LRRC7: variants seen among roughly 807,000 people sequenced by gnomAD.
LRRC7 encodes leucine-rich repeat-containing protein 7.
LRRC7 carries 23 observed loss-of-function variants against 175.7 expected under a neutral mutation model. That is an observed-to-expected ratio of 0.13 (90% confidence interval 0.09 to 0.19). The LOEUF is 0.19. LRRC7 is among the 10% of genes least tolerant of loss of function. LRRC7 has a pLI of 1.00. For synonymous variants in LRRC7, 685 were observed against 680.9 expected, an observed-to-expected ratio of 1.01 and a Z score of -0.09; for missense variants, 1,354 against 1,904.7, an observed-to-expected ratio of 0.71 and a Z score of 5.38.
At chr1:70,042,365 T>G (rs552054616) in intron 21 of LRRC7, among the ~76,000 whole-genome samples, 1 of 152,290 alleles carries the variant, frequency 6.6e-6, no homozygotes, top group Admixed American at 6.5e-5. Flanking sequence ...CCAGTGAAAT[T>G]TAATTGGGTC....
chr1:69,603,203 C>T (rs923284948), intron 1 of LRRC7, among the ~76,000 whole-genome samples: 2 of 152,052 alleles, frequency 1.3e-5, no homozygotes, highest in African/African-American at 4.8e-5. Flanking sequence ...TGATCTCATC[C>T]CAAGATTTAA....
intron 2 of LRRC7, among the ~76,000 whole-genome samples, chr1:69,687,893 A>T (rs1244353619): frequency 2.0e-5 from 3 of 152,190 alleles, no homozygotes; most frequent in Middle Eastern, 3.2e-3. Flanking sequence ...AAGCCATTGA[A>T]TATGATTTAG....
At chr1:69,750,476 G>T (rs1174492674) in intron 2 of LRRC7, among the ~76,000 whole-genome samples, 11 of 151,996 alleles carry the variant, frequency 7.2e-5, no homozygotes, top group Non-Finnish European at 1.5e-5. Context: ...TAATTAAAAA[G>T]GTATCTAGAA....
chr1:69,770,506 T>A (rs577527992), intron 3 of LRRC7, among the ~76,000 whole-genome samples: 29 of 152,354 alleles, frequency 1.9e-4, no homozygotes, highest in African/African-American at 7.0e-4. Flanking sequence ...AAAACTTGAA[T>A]GATCATTGAT....
intron 7 of LRRC7, among the ~76,000 whole-genome samples, chr1:69,904,310 G>C (rs1301491255): frequency 6.6e-6 from 1 of 151,970 alleles, no homozygotes; most frequent in African/African-American, 2.4e-5. Context: ...TAAAAAAGAA[G>C]AATACTAATT....
chr1:69,626,259 T>C (rs569858941), intron 1 of LRRC7, among the ~76,000 whole-genome samples: 1 of 152,218 alleles, frequency 6.6e-6, no homozygotes, highest in South Asian at 2.1e-4. Flanking sequence ...ATGGTATGTT[T>C]TGAGAACTGG....
intron 2 of LRRC7, among the ~76,000 whole-genome samples, chr1:69,687,353 C>CA (rs1441498487): frequency 1.3e-5 from 2 of 151,212 alleles, no homozygotes; most frequent in African/African-American, 2.4e-5. Context: ...TACAAAAATA[C>CA]AAAAAAATTA....
At chr1:70,063,972 T>C (rs1445123678) in intron 23 of LRRC7, among the ~76,000 whole-genome samples, 1 of 152,014 alleles carries the variant, frequency 6.6e-6, no homozygotes, top group Non-Finnish European at 1.5e-5. Flanking sequence ...ACACTTACAC[T>C]GAAGTGAAAG....
intron 2 of LRRC7, among the ~76,000 whole-genome samples, chr1:69,727,780 A>C (rs750356881): frequency 9.2e-5 from 14 of 152,226 alleles, no homozygotes; most frequent in Non-Finnish European, 1.8e-4. Flanking sequence ...CCTTAGAAGA[A>C]GACACTAAAT....
At chr1:69,924,723 T>TA (rs1647005562) in intron 7 of LRRC7, among the ~76,000 whole-genome samples, 1 of 152,210 alleles carries the variant, frequency 6.6e-6, no homozygotes, top group Non-Finnish European at 1.5e-5. Flanking sequence ...GTTTCCTAGA[T>TA]ATACAATCAT....
intron 1 of LRRC7, among the ~76,000 whole-genome samples, chr1:69,642,952 G>A (rs1474183308): frequency 6.6e-6 from 1 of 152,066 alleles, no homozygotes; most frequent in African/African-American, 2.4e-5. Flanking sequence ...AGGCTGGAGA[G>A]CCAGGAAAGC....
At chr1:69,806,192 G>A (rs898394086) in intron 4 of LRRC7, among the ~76,000 whole-genome samples, 7 of 151,920 alleles carry the variant, frequency 4.6e-5, no homozygotes, top group Admixed American at 3.9e-4. Flanking sequence ...GCTCAATAAA[G>A]TGGTAAATTG....
intron 10 of LRRC7, among the ~76,000 whole-genome samples, chr1:69,990,643 G>A (rs937711262): frequency 3.3e-5 from 5 of 152,048 alleles, no homozygotes; most frequent in African/African-American, 1.2e-4. Context: ...TGTTAAAAAT[G>A]TAAATGTATC....
Position 70,089,831 on chromosome 1 carries a change from A to G in LRRC7, c.4545+12A>G, listed in dbSNP as rs752990249. ...AACCTTCTGACAAGGTAAGAAATGA[A>G]TATCTTGTTGACAATATTAATTAGA... On this transcript the variant is annotated intron_variant, in intron 25 of 26. Transcript: ENST00000651989. The G allele has an allele frequency of 1.4e-5, 22 of 1,530,392 alleles. No homozygotes were observed. Among genetic ancestry groups the G allele is most frequent in the South Asian group, 4.6e-5 (4 of 87,424 alleles). The allele number at this position is 1,530,392 out of a possible 1,614,324, so 94.8% of individuals were successfully genotyped here. A position where few individuals can be genotyped will look rare whatever the true frequency, so the allele number is the denominator to read the frequency against.
chr1:69,667,756 C>T (rs1047369518), intron 1 of LRRC7, among the ~76,000 whole-genome samples: 2 of 152,098 alleles, frequency 1.3e-5, no homozygotes, highest in African/African-American at 4.8e-5. Flanking sequence ...TTAATCTGTT[C>T]AGTCACTCCA....
In LRRC7 at chr1:69,878,221, G is replaced by T. The variant is rs948668038; in HGVS notation, c.647+39938G>T. ...ATTCTAGATACTACAGGTATCACAA[G>T]CTTCATTAGTTTCTTGGAGAAGTAA... On this transcript the variant is annotated intron_variant, in intron 7 of 26. Transcript: ENST00000651989. Among the ~76,000 whole-genome samples, 6 of 149,302 alleles carry T rather than the reference G, an allele frequency of 4.0e-5. No individual in the cohort carries two copies. In the Admixed American group the frequency reaches 4.0e-4, roughly 10 times the overall value.
chr1:70,068,174 C>T (rs950587138), intron 23 of LRRC7, among the ~76,000 whole-genome samples: 1 of 152,160 alleles, frequency 6.6e-6, no homozygotes, highest in Admixed American at 6.6e-5. Flanking sequence ...TGTACATTTA[C>T]GTCTGCTCCT....
intron 7 of LRRC7, among the ~76,000 whole-genome samples, chr1:69,860,566 T>C (rs1222133085): frequency 6.6e-6 from 1 of 151,934 alleles, no homozygotes; most frequent in Admixed American, 6.6e-5. Context: ...TAATATATAC[T>C]AGAATGAATA....
At chr1:69,921,687 CAT>C (rs1419271721) in intron 7 of LRRC7, among the ~76,000 whole-genome samples, 1 of 152,176 alleles carries the variant, frequency 6.6e-6, no homozygotes, top group Non-Finnish European at 1.5e-5. Flanking sequence ...TTATGGCTAA[CAT>C]ATCCTGTCCC....
Sources: allele counts gnomAD v4.1 joint callset (sites outside exome capture counted in the v4.1 genomes callset), GRCh38; gene constraint gnomAD v4.1.1; transcripts MANE v1.5; gene names NCBI Gene and HGNC (gene_info 2026-07-23, HGNC 2026-07-21).